PCYT1B: variants seen among roughly 807,000 people sequenced by gnomAD.
PCYT1B encodes phosphate cytidylyltransferase 1B, choline, also known as choline-phosphate cytidylyltransferase B.
PCYT1B carries 10 observed loss-of-function variants against 26.4 expected under a neutral mutation model. The ratio of observed to expected loss-of-function variants is 0.38; its 90% confidence interval spans 0.23 to 0.64. The LOEUF (loss-of-function observed/expected upper bound fraction) is 0.64, where lower values mean the gene tolerates loss of function less well. Among genes scored for constraint, PCYT1B ranks in the 30% least tolerant of loss-of-function variants. The pLI, the probability that PCYT1B is intolerant of heterozygous loss-of-function variation, is 0.56. For missense variants in PCYT1B, 161 were observed against 292.7 expected (o/e 0.55, Z 3.28); for synonymous variants, 131 against 108.4 (o/e 1.21, Z -1.29).
At chrX:24,650,706 A>G (rs1926746113), upstream of PCYT1B, among the ~76,000 whole-genome samples, 1 of 112,410 alleles carries the variant, frequency 8.9e-6, no homozygotes, top group Non-Finnish European at 1.9e-5. Flanking sequence ...CATAGAGGAT[A>G]TTTGTCAGTA....
At chrX:24,637,497 T>A (rs866304073) in intron 1 of PCYT1B, among the ~76,000 whole-genome samples, 30 of 71,085 alleles carry the variant, frequency 4.2e-4, no homozygotes, top group African/African-American at 2.1e-3. Context: ...AAAAAATATA[T>A]ATATATATAT....
At chrX:24,646,456 T>C (rs61760928) in intron 1 of PCYT1B, among the ~76,000 whole-genome samples, 2,585 of 111,890 alleles carry the variant, frequency 0.023, 39 homozygotes, top group Middle Eastern at 0.06. Context: ...TATTTCTAAC[T>C]AAATCATTGA....
At chrX:24,631,758 G>A (rs754778265) in intron 1 of PCYT1B, among the ~76,000 whole-genome samples, 68 of 111,984 alleles carry the variant, frequency 6.1e-4, no homozygotes, top group Middle Eastern at 4.6e-3. Context: ...CTGAGGTCAG[G>A]AGTTTGAGGC....
chrX:24,624,212 G>A (rs906228741), intron 1 of PCYT1B, among the ~76,000 whole-genome samples: 27 of 110,659 alleles, frequency 2.4e-4, no homozygotes, highest in African/African-American at 5.6e-4. Context: ...CTCGTGATCC[G>A]CCCGCCTTGG....
intron 3 of PCYT1B, among the ~76,000 whole-genome samples, chrX:24,594,508 T>C (rs902288283): frequency 4.5e-5 from 5 of 111,567 alleles, no homozygotes; most frequent in African/African-American, 1.6e-4. Flanking sequence ...CCTCCCCCTT[T>C]CTGAATCTGC....
intron 1 of PCYT1B, among the ~76,000 whole-genome samples, chrX:24,625,583 T>C (rs981642700): frequency 3.7e-5 from 4 of 108,407 alleles, no homozygotes; most frequent in Non-Finnish European, 5.7e-5. Context: ...TTTCATTTAG[T>C]TATGTATGGA....
intron 2 of PCYT1B, among the ~76,000 whole-genome samples, chrX:24,608,595 T>C (rs1036599553): frequency 9.0e-6 from 1 of 111,157 alleles, no homozygotes; most frequent in African/African-American, 3.3e-5. Flanking sequence ...AACACTATAG[T>C]CCTTCCTAGG....
intron 1 of PCYT1B, among the ~76,000 whole-genome samples, chrX:24,629,488 G>C (rs1230716320): frequency 2.2e-5 from 2 of 92,346 alleles, no homozygotes; most frequent in African/African-American, 4.0e-5. Flanking sequence ...GTCCCCGGAG[G>C]TCAAGCCTGC....
Position 24,562,291 on chromosome X carries a change from C to T in PCYT1B, c.*2G>A, listed in dbSNP as rs1347603857. 8.7e-7 allele frequency: 1 copy of T among 1,152,741 alleles called. No homozygotes were observed. The highest frequency in any genetic ancestry group is 1.2e-6 in the Non-Finnish European group (1 of 866,281). 95.0% of individuals were successfully genotyped at this position (1,152,741 alleles called of 1,213,427 possible). ...GGTGCGGCTCTTGCCTCCCAGCAGC[C>T]TCTACTTTTCATCCTCATCCCCCTC... On this transcript the variant is annotated 3_prime_UTR_variant, in exon 8 of 8. Coordinates refer to ENST00000379144, the MANE Select transcript of PCYT1B (RefSeq NM_004845.5).
rs1923424363 is a variant in PCYT1B, at chrX:24,561,757, G to A, written c.*536C>T. 5 of 274,595 alleles carry A rather than the reference G, an allele frequency of 1.8e-5. No individual in the cohort carries two copies. Among genetic ancestry groups the A allele is most frequent in the Middle Eastern group, 1.1e-3 (1 of 942 alleles). The allele number at this position is 274,595 out of a possible 1,213,427, so 22.6% of individuals were successfully genotyped here. A position where few individuals can be genotyped will look rare whatever the true frequency, so the allele number is the denominator to read the frequency against. The stretch of plus-strand genomic sequence containing the variant: ...TCATGGAACTGGAAGGAGCTGATGC[G>A]TTCCAACATCAGGTCTCAGTGGCTG... On this transcript the variant is annotated 3_prime_UTR_variant, in exon 8 of 8. Transcript: ENST00000379144.
chrX:24,619,513 C>T (rs777479406), intron 1 of PCYT1B, among the ~76,000 whole-genome samples: 3 of 112,015 alleles, frequency 2.7e-5, no homozygotes, highest in Admixed American at 1.9e-4. Context: ...TGCCCAGCTT[C>T]GAACATTTCA....
intron 5 of PCYT1B, among the ~76,000 whole-genome samples, chrX:24,579,940 C>T (rs983152952): frequency 7.2e-5 from 8 of 111,809 alleles, no homozygotes; most frequent in African/African-American, 1.3e-4. Context: ...TTTCGAAGGC[C>T]GAGGCAGGCA....
At chrX:24,667,536 G>A (rs1461590674) in intron 1 of PCYT1B, among the ~76,000 whole-genome samples, 1 of 110,596 alleles carries the variant, frequency 9.0e-6, no homozygotes, top group Non-Finnish European at 1.9e-5. Flanking sequence ...TGCCAACATG[G>A]TGAAATCCCG....
In PCYT1B at chrX:24,602,252, A is replaced by G. The variant is rs192603968; in HGVS notation, c.334+5493T>C. 1.6e-4 allele frequency among the ~76,000 whole-genome samples: 18 copies of G among 112,323 alleles called. No individual in the cohort carries two copies. The East Asian group carries it at 4.7e-3, about 29-fold the overall frequency. ...TAAAAGAAGCCAATCTGAAAAAGCT[A>G]CATGCTGTATAATTCTAATTATATG... On this transcript the variant is annotated intron_variant, in intron 3 of 7. Coordinates refer to ENST00000379144, the MANE Select transcript of PCYT1B (RefSeq NM_004845.5).
intron 2 of PCYT1B, among the ~76,000 whole-genome samples, chrX:24,608,749 C>A (rs1362659379): frequency 3.6e-5 from 4 of 111,578 alleles, no homozygotes; most frequent in Non-Finnish European, 7.5e-5. Flanking sequence ...TCAGCCAGGC[C>A]AAAGACCCAT....
chrX:24,597,898 TA>T (rs919735930), intron 3 of PCYT1B, among the ~76,000 whole-genome samples: 1 of 112,475 alleles, frequency 8.9e-6, no homozygotes, highest in Admixed American at 9.4e-5. Flanking sequence ...TAGTGAATTC[TA>T]AAAAAATGGC....
Position 24,561,437 on chromosome X carries a change from G to C in PCYT1B, c.*856C>G, listed in dbSNP as rs186448914. On this transcript the variant is annotated 3_prime_UTR_variant, in exon 8 of 8. Transcript: ENST00000379144. ...AAATGGGAAAAGCCATTCCATAATA[G>C]CATCCTTTAAGGAGAAGCTTCAGGA... The C allele has an allele frequency of 1.7e-3, 191 of 112,463 alleles. No homozygotes were observed. The highest frequency in any genetic ancestry group is 2.3e-3 in the Non-Finnish European group (124 of 53,356). The allele number at this position is 112,463 out of a possible 1,213,427, so 9.3% of individuals were successfully genotyped here.
At chrX:24,648,100 A>G (rs958889931), upstream of PCYT1B, among the ~76,000 whole-genome samples, 2 of 111,746 alleles carry the variant, frequency 1.8e-5, no homozygotes, top group African/African-American at 6.5e-5. Context: ...CCATTTCCGA[A>G]GTACCCTGCT....
intron 7 of PCYT1B, among the ~76,000 whole-genome samples, chrX:24,565,877 T>C (rs1388648848): frequency 9.1e-6 from 1 of 109,473 alleles, no homozygotes; most frequent in African/African-American, 3.3e-5. Context: ...TCTCGGTATA[T>C]AGACAGAGCT....
Sources: gnomAD v4.1 joint callset for allele counts (sites outside exome capture counted in the v4.1 genomes callset) on GRCh38, gnomAD v4.1.1 for gene constraint, MANE v1.5 for transcripts, NCBI Gene and HGNC (gene_info 2026-07-23, HGNC 2026-07-21) for gene names.